DKK2: variants seen among roughly 807,000 people sequenced by gnomAD.
The protein encoded by DKK2 is dickkopf Wnt signaling pathway inhibitor 2.
DKK2 carries 11 observed loss-of-function variants against 28.1 expected under a neutral mutation model. The observed-to-expected ratio is 0.39, with a 90% CI of 0.25 to 0.65. The LOEUF is 0.65. Among genes scored for constraint, DKK2 ranks in the 30% least tolerant of loss-of-function variants. DKK2 has a pLI of 0.47. For missense variants in DKK2, 326 were observed against 335.5 expected (o/e 0.97, Z 0.22); for synonymous variants, 135 against 126.5 (o/e 1.07, Z -0.45).
intron 1 of DKK2, among the ~76,000 whole-genome samples, chr4:106,976,271 C>G (rs1247989552): frequency 1.3e-5 from 2 of 152,162 alleles, no homozygotes; most frequent in African/African-American, 4.8e-5. Flanking sequence ...TGGTCTAAAG[C>G]TGAGTTCAAG....
At chr4:106,990,168 C>A (rs1017315647) in intron 1 of DKK2, among the ~76,000 whole-genome samples, 1 of 152,014 alleles carries the variant, frequency 6.6e-6, no homozygotes, top group Admixed American at 6.5e-5. Flanking sequence ...TAAATTTTAA[C>A]ACTAATTAAT....
intron 1 of DKK2, among the ~76,000 whole-genome samples, chr4:106,952,723 T>C (rs1722490837): frequency 6.6e-6 from 1 of 152,154 alleles, no homozygotes; most frequent in Admixed American, 6.6e-5. Flanking sequence ...TTTAATTTAC[T>C]GTATAGAAAT....
chr4:106,974,548 T>C (rs965156005), intron 1 of DKK2, among the ~76,000 whole-genome samples: 5 of 152,160 alleles, frequency 3.3e-5, no homozygotes, highest in African/African-American at 1.2e-4. Context: ...TATTTGTTTG[T>C]TATTGGTGTA....
chr4:107,010,336 GATA>G (rs1325018549), intron 1 of DKK2, among the ~76,000 whole-genome samples: 3 of 151,606 alleles, frequency 2.0e-5, no homozygotes, highest in African/African-American at 7.3e-5. Context: ...TAATAAAATA[GATA>G]ATAATTCTAT....
intron 1 of DKK2, among the ~76,000 whole-genome samples, chr4:106,952,597 C>G (rs1018533708): frequency 3.3e-5 from 5 of 152,078 alleles, no homozygotes; most frequent in Non-Finnish European, 7.4e-5. Flanking sequence ...ATATTAAGGT[C>G]ATGATTTAAA....
At chr4:106,978,506 G>C (rs1035332216) in intron 1 of DKK2, among the ~76,000 whole-genome samples, 1 of 152,064 alleles carries the variant, frequency 6.6e-6, no homozygotes, top group African/African-American at 2.4e-5. Context: ...GGGCTCTGCC[G>C]AGTTCAAACT....
chr4:106,961,365 CTT>C, intron 1 of DKK2, among the ~76,000 whole-genome samples: 1 of 152,154 alleles, frequency 6.6e-6, no homozygotes, highest in Middle Eastern at 3.4e-3. Flanking sequence ...AGTTGGAAAA[CTT>C]TAATATTTAA....
At chr4:107,002,363 T>G (rs545557827) in intron 1 of DKK2, among the ~76,000 whole-genome samples, 1 of 152,342 alleles carries the variant, frequency 6.6e-6, no homozygotes, top group South Asian at 2.1e-4. Context: ...TTTTACTTGC[T>G]TTTTCCATAA....
At chr4:106,984,856 A>G (rs538514888) in intron 1 of DKK2, among the ~76,000 whole-genome samples, 2 of 152,220 alleles carry the variant, frequency 1.3e-5, no homozygotes, top group Non-Finnish European at 2.9e-5. Context: ...TAAACTATTG[A>G]TACACACAAC....
chr4:107,016,102 C>A (rs1318090682), intron 1 of DKK2, among the ~76,000 whole-genome samples: 1 of 151,748 alleles, frequency 6.6e-6, no homozygotes, highest in Non-Finnish European at 1.5e-5. Flanking sequence ...CAAATTAGAG[C>A]AAAGTTATTT....
intron 1 of DKK2, among the ~76,000 whole-genome samples, chr4:106,970,333 G>A (rs1041000885): frequency 6.6e-6 from 1 of 152,082 alleles, no homozygotes; most frequent in Non-Finnish European, 1.5e-5. Flanking sequence ...AGTGGATCTG[G>A]AAGAGAGTAA....
At chr4:107,015,710 A>G (rs1375419526) in intron 1 of DKK2, among the ~76,000 whole-genome samples, 1 of 151,674 alleles carries the variant, frequency 6.6e-6, no homozygotes, top group Non-Finnish European at 1.5e-5. Flanking sequence ...CTGTGTCTCA[A>G]TCTATATCTA....
chr4:106,924,606 T>C lies in DKK2; in HGVS notation c.468A>G (p.Ser156=). ...GATTCTGCCATCCCAAGTCATGGTT[T>C]GAGTAATGACCGTGGTTTCGATCTC... The part of the protein sequence containing the change: ...RHRDRNHGHY[S]NHDLGWQNLG... Residue 156 remains serine (S), a synonymous_variant, in exon 3 of 4, where the codon TCA becomes TCG. Coordinates refer to ENST00000285311, the MANE Select transcript of DKK2 (RefSeq NM_014421.3). 6.2e-7 allele frequency: 1 copy of C among 1,613,982 alleles called. No individual in the cohort carries two copies. The highest frequency in any genetic ancestry group is 8.5e-7 in the Non-Finnish European group (1 of 1,179,900).
At chr4:106,945,675 T>A (rs967796060) in intron 1 of DKK2, among the ~76,000 whole-genome samples, 11 of 152,140 alleles carry the variant, frequency 7.2e-5, no homozygotes, top group African/African-American at 2.2e-4. Context: ...AGTAGTAATA[T>A]ATACCCATAT....
chr4:106,999,870 A>G (rs1723334961), intron 1 of DKK2, among the ~76,000 whole-genome samples: 1 of 152,202 alleles, frequency 6.6e-6, no homozygotes, highest in Admixed American at 6.5e-5. Flanking sequence ...AAATTTGTCA[A>G]GGTTTCAATT....
In DKK2 at chr4:106,942,006, C is replaced by A. The variant is rs185785882; in HGVS notation, c.223-16057G>T. Reference sequence around the variant, plus strand: ...ATTATGTGGAAGAAGGAAAGGTCAGCTCACAAGGGCAAAAGAGATTTATGT... The same window carrying A: ...ATTATGTGGAAGAAGGAAAGGTCAGATCACAAGGGCAAAAGAGATTTATGT... On this transcript the variant is annotated intron_variant, in intron 1 of 3. Coordinates refer to ENST00000285311, the MANE Select transcript of DKK2 (RefSeq NM_014421.3). Among the ~76,000 whole-genome samples the A allele has an allele frequency of 1.6e-4, 25 of 152,214 alleles. No homozygotes were observed. The East Asian group carries it at 4.8e-3, about 29-fold the overall frequency.
Position 107,030,960 on chromosome 4 carries a change from G to T in DKK2, c.222+4410C>A, listed in dbSNP as rs1723867068. On this transcript the variant is annotated intron_variant, in intron 1 of 3. Coordinates refer to ENST00000285311, the MANE Select transcript of DKK2 (RefSeq NM_014421.3). ...GAATATTCAAGAAGATTATGACAGG[G>T]TCAGAGTCACAGCTGGAGTAAGTTT... 2.0e-5 allele frequency among the ~76,000 whole-genome samples: 3 copies of T among 151,926 alleles called. No homozygotes were observed. In the South Asian group the frequency reaches 6.2e-4, roughly 31 times the overall value.
chr4:106,933,298 T>G (rs940687802), intron 1 of DKK2, among the ~76,000 whole-genome samples: 1 of 152,194 alleles, frequency 6.6e-6, no homozygotes, highest in Non-Finnish European at 1.5e-5. Flanking sequence ...CAGATAGACA[T>G]GGGTCTAAGT....
intron 1 of DKK2, among the ~76,000 whole-genome samples, chr4:106,948,185 C>T (rs3914886): frequency 4.6e-5 from 7 of 152,182 alleles, no homozygotes; most frequent in African/African-American, 1.7e-4. Flanking sequence ...CCCAGTTTTT[C>T]TAATTGCAAA....
Sources: allele counts gnomAD v4.1 joint callset (sites outside exome capture counted in the v4.1 genomes callset), GRCh38; gene constraint gnomAD v4.1.1; transcripts MANE v1.5; gene names NCBI Gene and HGNC (gene_info 2026-07-23, HGNC 2026-07-21).